Variants in ATP11A observed in about 807,000 individuals in gnomAD.
ATP11A encodes the protein phospholipid-transporting ATPase IH.
Under a neutral mutation model 154.4 loss-of-function variants are expected in ATP11A, and 81 were observed. The ratio of observed to expected loss-of-function variants is 0.52; its 90% confidence interval spans 0.44 to 0.63. The LOEUF (loss-of-function observed/expected upper bound fraction) is 0.63, where lower values mean the gene tolerates loss of function less well. ATP11A is among the 30% of genes least tolerant of loss of function. ATP11A has a pLI of 0.00. For missense variants in ATP11A, 1,316 were observed against 1,474.3 expected (o/e 0.89, Z 1.76); for synonymous variants, 623 against 585.9 (o/e 1.06, Z -0.91).
At chr13:112,788,032 CCAA>C (rs1449897781) in intron 2 of ATP11A, among the ~76,000 whole-genome samples, 1 of 150,258 alleles carries the variant, frequency 6.7e-6, no homozygotes, top group African/African-American at 2.4e-5. Context: ...TTAATTCACA[CCAA>C]GTGTCCTGAT....
At chr13:112,792,853 C>G (rs1219792175) in intron 2 of ATP11A, among the ~76,000 whole-genome samples, 1 of 152,148 alleles carries the variant, frequency 6.6e-6, no homozygotes, top group Admixed American at 6.5e-5. Flanking sequence ...CACATGGTTC[C>G]CAGCTTTGCC....
intron 1 of ATP11A, among the ~76,000 whole-genome samples, chr13:112,730,125 C>A (rs1250364397): frequency 6.6e-6 from 1 of 152,196 alleles, no homozygotes; most frequent in Admixed American, 6.5e-5. Context: ...CCCTTCGCAG[C>A]GGCCCACATA....
In ATP11A at chr13:112,884,852, C is replaced by T. The variant is rs1463543215; in HGVS notation, c.*2986C>T. ...TCAGACACGCACAGTGGGCCTGCTG[C>T]ATGATTCACACCCAGTCCCTGCCAC... On this transcript the variant is annotated 3_prime_UTR_variant, in exon 30 of 30. Coordinates refer to ENST00000375645, the MANE Select transcript of ATP11A (RefSeq NM_015205.3). The T allele has an allele frequency of 6.7e-6, 1 of 149,750 alleles. No individual in the cohort carries two copies. The highest frequency in any genetic ancestry group is 1.5e-5 in the Non-Finnish European group (1 of 67,376). The allele number at this position is 149,750 out of a possible 1,614,324, so 9.3% of individuals were successfully genotyped here.
chr13:112,885,538 A>G lies in ATP11A; in HGVS notation c.*3672A>G, dbSNP rs1323098707. 6.6e-6 allele frequency: 1 copy of G among 152,312 alleles called. No individual in the cohort carries two copies. The highest frequency in any genetic ancestry group is 1.9e-4 in the East Asian group (1 of 5,196). 9.4% of individuals were successfully genotyped at this position (152,312 alleles called of 1,614,324 possible). A position where few individuals can be genotyped will look rare whatever the true frequency, so the allele number is the denominator to read the frequency against. The stretch of plus-strand genomic sequence containing the variant: ...CGCACAGGCTCCTACACACATGCAC[A>G]CACGTGTACACCACAAACGAGCTCC... On this transcript the variant is annotated 3_prime_UTR_variant, in exon 30 of 30. Coordinates refer to ENST00000375645, the MANE Select transcript of ATP11A (RefSeq NM_015205.3).
intron 25 of ATP11A, among the ~76,000 whole-genome samples, chr13:112,865,114 CCCAGCGGGG>C (rs1220333095): frequency 2.8e-5 from 3 of 108,076 alleles, no homozygotes; most frequent in African/African-American, 6.9e-5. Flanking sequence ...CATGCAGCTT[CCCAGCGGGG>C]TCCATCACCA....
chr13:112,755,788 G>A (rs1346902856), intron 1 of ATP11A, among the ~76,000 whole-genome samples: 5 of 136,628 alleles, frequency 3.7e-5, no homozygotes, highest in African/African-American at 5.9e-5. Flanking sequence ...GGTCACGGAA[G>A]CGGCACTCAG....
intron 17 of ATP11A, among the ~76,000 whole-genome samples, chr13:112,848,669 G>T (rs2079675752): frequency 6.6e-6 from 1 of 152,222 alleles, no homozygotes; most frequent in Admixed American, 6.5e-5. Context: ...ACCATGGAGG[G>T]TGATGTTAGC....
chr13:112,832,415 G>A (rs185352816), intron 13 of ATP11A, among the ~76,000 whole-genome samples: 4 of 152,340 alleles, frequency 2.6e-5, no homozygotes, highest in African/African-American at 9.6e-5. Flanking sequence ...GAGCGCCACA[G>A]GTCACGCCTA....
At chr13:112,847,315 C>G (rs1018193309) in intron 17 of ATP11A, among the ~76,000 whole-genome samples, 1 of 152,204 alleles carries the variant, frequency 6.6e-6, no homozygotes, top group Non-Finnish European at 1.5e-5. Context: ...GCTGTCATAT[C>G]GAAGAAACTG....
chr13:112,737,052 A>G (rs1891066396), intron 1 of ATP11A, among the ~76,000 whole-genome samples: 1 of 149,406 alleles, frequency 6.7e-6, no homozygotes, highest in South Asian at 2.1e-4. Flanking sequence ...TCAACAGTAG[A>G]AAAAAACAAA....
chr13:112,690,387 A>G lies in ATP11A; in HGVS notation c.-30A>G, dbSNP rs570657471. 12 of 1,276,922 alleles carry G rather than the reference A, an allele frequency of 9.4e-6. No individual in the cohort carries two copies. The South Asian group carries it at 3.2e-4, about 34-fold the overall frequency. 79.1% of individuals were successfully genotyped at this position (1,276,922 alleles called of 1,614,324 possible). On this transcript the variant is annotated 5_prime_UTR_variant, in exon 1 of 30. The change abolishes the stop of an existing upstream ORF in the 5' untranslated region. Transcript: ENST00000375645. This position sits in a 1 kb window ranked among gnomAD's most constrained non-coding sequence, Gnocchi z 5.6. Reference sequence around the variant, plus strand: ...CGCCGAGCCGGGCGCGGGGGCGCTGAACGGCGGAGCGGGAGCGGCCGGAGG... The same window carrying G: ...CGCCGAGCCGGGCGCGGGGGCGCTGGACGGCGGAGCGGGAGCGGCCGGAGG...
intron 1 of ATP11A, among the ~76,000 whole-genome samples, chr13:112,755,398 G>T (rs1231197658): frequency 6.6e-6 from 1 of 152,172 alleles, no homozygotes; most frequent in Admixed American, 6.5e-5. Flanking sequence ...CTTCTTGTCT[G>T]CGTCCCTTGT....
chr13:112,731,638 C>T (rs1257056223), intron 1 of ATP11A, among the ~76,000 whole-genome samples: 1 of 152,166 alleles, frequency 6.6e-6, no homozygotes, highest in Non-Finnish European at 1.5e-5. Context: ...ACTGCTGTCC[C>T]CAAGGAAGGT....
At chr13:112,691,991 C>T (rs761450248) in intron 1 of ATP11A, among the ~76,000 whole-genome samples, 3 of 152,148 alleles carry the variant, frequency 2.0e-5, no homozygotes, top group Non-Finnish European at 2.9e-5. Flanking sequence ...GTGTTACTCC[C>T]TCACTGGTGC....
chr13:112,862,662 C>G, intron 25 of ATP11A, 87 bp downstream of exon 25: 1 of 1,562,492 alleles, frequency 6.4e-7, no homozygotes, highest in Non-Finnish European at 8.7e-7. Context: ...AAGCAGAATT[C>G]AGTGCAGCCC....
chr13:112,787,732 G>A (rs2077687927), intron 2 of ATP11A, among the ~76,000 whole-genome samples: 2 of 148,278 alleles, frequency 1.3e-5, no homozygotes, highest in Admixed American at 6.7e-5. Context: ...ATCCACACCG[G>A]GTGTCCTGAT....
At position 112,754,253 on chromosome 13, in the gene ATP11A, G is replaced by A. The variant is rs141867312; in HGVS notation, c.40-30882G>A. 6.6e-6 allele frequency among the ~76,000 whole-genome samples: 1 copy of A among 152,176 alleles called. No individual in the cohort carries two copies. Among genetic ancestry groups the A allele is most frequent in the East Asian group, 1.9e-4 (1 of 5,184 alleles). ...ATAACAGGGCCGGGTTCTCACTGGC[G>A]GGACTGTTCACCTCTGCAATCTGCC... On this transcript the variant is annotated intron_variant, in intron 1 of 29. Transcript: ENST00000375645. This position sits in a 1 kb window ranked among gnomAD's most constrained non-coding sequence, Gnocchi z 5.3.
intron 1 of ATP11A, among the ~76,000 whole-genome samples, chr13:112,756,701 C>T (rs1430006886): frequency 2.1e-5 from 3 of 139,830 alleles, no homozygotes; most frequent in African/African-American, 1.0e-4. Flanking sequence ...CCAGATGCCT[C>T]TTTGCCTTTC....
chr13:112,855,425 G>A (rs1031357814), intron 19 of ATP11A, among the ~76,000 whole-genome samples: 2 of 152,142 alleles, frequency 1.3e-5, no homozygotes, highest in Non-Finnish European at 2.9e-5. Flanking sequence ...TGATCCACCC[G>A]CCTTGGCCTC....
Sources: allele counts gnomAD v4.1 joint callset (sites outside exome capture counted in the v4.1 genomes callset), GRCh38; gene constraint gnomAD v4.1.1; non-coding constraint Gnocchi (gnomAD v3.1); transcripts MANE v1.5; gene names NCBI Gene and HGNC (gene_info 2026-07-23, HGNC 2026-07-21).